SOAT1: variants seen among roughly 807,000 people sequenced by gnomAD.
SOAT1 encodes the protein acyl-coenzyme A:cholesterol acyltransferase 1.
Under a neutral mutation model 69.5 loss-of-function variants are expected in SOAT1, and 55 were observed. The observed-to-expected ratio is 0.79, with a 90% CI of 0.64 to 0.99. SOAT1 has a LOEUF of 0.99. Ranked by LOEUF, SOAT1 falls within the 50% of genes least tolerant of loss-of-function variation. The pLI is 0.00. For synonymous variants in SOAT1, 231 were observed against 224.7 expected, an observed-to-expected ratio of 1.03 and a Z score of -0.25; for missense variants, 580 against 669.3, an observed-to-expected ratio of 0.87 and a Z score of 1.47.
intron 6 of SOAT1, among the ~76,000 whole-genome samples, 184 bp from the exon 7 acceptor site, chr1:179,340,843 TG>T (rs1666310465): frequency 7.0e-6 from 1 of 143,604 alleles, no homozygotes; most frequent in Admixed American, 7.0e-5. Context: ...ATATATATAT[TG>T]TAAAGCAGAT....
intron 11 of SOAT1, among the ~76,000 whole-genome samples, chr1:179,346,756 G>A (rs1171970167): frequency 6.6e-6 from 1 of 152,120 alleles, no homozygotes; most frequent in African/African-American, 2.4e-5. Flanking sequence ...CTAGATACCA[G>A]TGGCACCACT....
intron 6 of SOAT1, 45 bp from the exon 7 acceptor site, chr1:179,340,983 T>A: frequency 6.3e-7 from 1 of 1,578,630 alleles, no homozygotes; most frequent in South Asian, 1.1e-5. Flanking sequence ...CAGTGTATAT[T>A]AAAAATTCAC....
intron 2 of SOAT1, among the ~76,000 whole-genome samples, chr1:179,304,855 C>T (rs6425524): frequency 0.49 from 74,880 of 151,412 alleles, 19,450 homozygotes; most frequent in East Asian, 0.84. Context: ...AACATGTTGG[C>T]CAGGCTGGTC....
At chr1:179,347,549 G>T in intron 11 of SOAT1, 51 bp from the exon 12 acceptor site, 2 of 996,072 alleles carry the variant, frequency 2.0e-6, no homozygotes, top group Non-Finnish European at 3.2e-6. Context: ...TTAGTTGCTT[G>T]GTATGTGAGC....
At chr1:179,353,112 A>G (rs564372805) in intron 15 of SOAT1, among the ~76,000 whole-genome samples, 1 of 125,820 alleles carries the variant, frequency 7.9e-6, no homozygotes, top group South Asian at 2.4e-4. Flanking sequence ...TGTATATATA[A>G]TATATATTTA....
chr1:179,337,233 T>C (rs1278520731), intron 4 of SOAT1, among the ~76,000 whole-genome samples: 1 of 152,184 alleles, frequency 6.6e-6, no homozygotes, highest in Non-Finnish European at 1.5e-5. Flanking sequence ...TATAGTTAAG[T>C]GCTGGTAGTA....
Position 179,335,526 on chromosome 1 carries a change from G to T in SOAT1, c.198G>T (p.Met66Ile). 1 of 1,607,488 alleles carries T rather than the reference G, an allele frequency of 6.2e-7. No homozygotes were observed. Among genetic ancestry groups the T allele is most frequent in the Non-Finnish European group, 8.5e-7 (1 of 1,177,272 alleles). ...TCTAGGAATTGAAGCCATTTTTTATGAAGGAAGTTGGCAGTCACTTTGATG... is the reference window on the plus strand; with the variant it reads ...TCTAGGAATTGAAGCCATTTTTTATTAAGGAAGTTGGCAGTCACTTTGATG... Reference protein sequence around the residue: ...AEAEELKPFFMKEVGSHFDDF... With the variant: ...AEAEELKPFFIKEVGSHFDDF... The change falls in exon 4 of 16, where the codon ATG becomes ATT. Residue 66 changes from methionine to isoleucine, a missense_variant. By Grantham distance (10) the Met-to-Ile change is conservative (BLOSUM62 1). Coordinates refer to ENST00000367619, the MANE Select transcript of SOAT1 (RefSeq NM_003101.6).
intron 11 of SOAT1, 150 bp from the exon 12 acceptor site, chr1:179,347,450 A>G (rs1223137409): frequency 7.4e-6 from 4 of 540,982 alleles, no homozygotes; most frequent in Non-Finnish European, 1.3e-5. Context: ...AATTAACTCC[A>G]AAAGTATATC....
chr1:179,348,743 G>T, intron 12 of SOAT1, 101 bp from the exon 13 acceptor site: 1 of 686,436 alleles, frequency 1.5e-6, no homozygotes, highest in Non-Finnish European at 2.5e-6. Context: ...AGTCAGGGGG[G>T]TTTGCTTTCG....
At chr1:179,349,617 G>A (rs1368099658) in intron 13 of SOAT1, among the ~76,000 whole-genome samples, 1 of 152,148 alleles carries the variant, frequency 6.6e-6, no homozygotes, top group East Asian at 1.9e-4. Flanking sequence ...ATGAGCCACC[G>A]TGCCCGGGTG....
At chr1:179,344,353 G>GTT (rs1553247808) in intron 10 of SOAT1, among the ~76,000 whole-genome samples, 1 of 14,176 alleles carries the variant, frequency 7.1e-5, no homozygotes, top group Non-Finnish European at 1.3e-4. Context: ...TCATTAAGGG[G>GTT]TTTTTTTTTT....
At chr1:179,331,547 G>A (rs1226077421) in intron 3 of SOAT1, among the ~76,000 whole-genome samples, 1 of 152,138 alleles carries the variant, frequency 6.6e-6, no homozygotes, top group Non-Finnish European at 1.5e-5. Context: ...AGACCAGCCT[G>A]GGCAACACTG....
At chr1:179,330,815 G>A (rs1232976141) in intron 3 of SOAT1, among the ~76,000 whole-genome samples, 2 of 152,222 alleles carry the variant, frequency 1.3e-5, no homozygotes, top group African/African-American at 2.4e-5. Flanking sequence ...CCAAATTGAG[G>A]GAAGGAAAGG....
At chr1:179,339,349 TTTAAG>T (rs1357914321) in intron 5 of SOAT1, 84 bp from the exon 6 acceptor site, 29 of 817,134 alleles carry the variant, frequency 3.5e-5, no homozygotes, top group Non-Finnish European at 5.0e-5. Flanking sequence ...TCTCAACTGC[TTTAAG>T]TTAACTGCTT....
intron 4 of SOAT1, 74 bp downstream of exon 4, chr1:179,335,731 A>G: frequency 7.1e-7 from 1 of 1,414,640 alleles, no homozygotes; most frequent in Non-Finnish European, 9.6e-7. Context: ...GACTGCGGCA[A>G]ATATGCTTGA....
chr1:179,326,555 T>C (rs1475829863), intron 3 of SOAT1, among the ~76,000 whole-genome samples: 5 of 36,002 alleles, frequency 1.4e-4, no homozygotes, highest in African/African-American at 2.7e-4. Flanking sequence ...CTTTTCTTTT[T>C]TTTTTTTTTT....
intron 3 of SOAT1, among the ~76,000 whole-genome samples, chr1:179,325,147 A>ATTTTTTTT (rs35938597): frequency 1.0e-5 from 1 of 96,842 alleles, no homozygotes; most frequent in African/African-American, 3.9e-5. Context: ...TTAGTGACTA[A>ATTTTTTTT]TTTTTTTTTT....
intron 10 of SOAT1, 35 bp downstream of exon 10, chr1:179,343,670 AG>A: frequency 6.9e-7 from 1 of 1,448,768 alleles, no homozygotes; most frequent in Non-Finnish European, 9.6e-7. Context: ...TATGTTGATT[AG>A]GGGATGGGGA....
Position 179,310,951 on chromosome 1 carries a change from T to C in SOAT1, c.118+8149T>C, listed in dbSNP as rs189508702. 3.8e-3 allele frequency among the ~76,000 whole-genome samples: 577 copies of C among 152,316 alleles called. 3 individuals are homozygous for C. Among genetic ancestry groups the C allele is most frequent in the Non-Finnish European group, 5.7e-3 (391 of 68,034 alleles). Reference sequence around the variant, plus strand: ...ACATAGGTTGGCTGTCCTTTTTTTTTCTTCAATGCTGCATGACTAGGGGTC... The same window carrying C: ...ACATAGGTTGGCTGTCCTTTTTTTTCCTTCAATGCTGCATGACTAGGGGTC... On this transcript the variant is annotated intron_variant, in intron 2 of 15. Coordinates refer to ENST00000367619, the MANE Select transcript of SOAT1 (RefSeq NM_003101.6).
Sources: gnomAD v4.1 joint callset for allele counts (sites outside exome capture counted in the v4.1 genomes callset) on GRCh38, gnomAD v4.1.1 for gene constraint, MANE v1.5 for transcripts, NCBI Gene and HGNC (gene_info 2026-07-23, HGNC 2026-07-21) for gene names.